EPM2A: variants seen among roughly 807,000 people sequenced by gnomAD.
EPM2A encodes laforin.
Under a neutral mutation model 26.5 loss-of-function variants are expected in EPM2A, and 21 were observed. The ratio of observed to expected loss-of-function variants is 0.79; its 90% CI spans 0.56 to 1.14. The LOEUF (loss-of-function observed/expected upper bound fraction) is 1.14. EPM2A is among the 50% of genes most tolerant of loss of function. The pLI, the probability that EPM2A is intolerant of heterozygous loss-of-function variation, is 0.00. For synonymous variants in EPM2A, 217 were observed against 177.6 expected (o/e 1.22, Z -1.76); for missense variants, 458 against 440.8 (o/e 1.04, Z -0.35).
At chr6:145,573,055 C>T (rs1322360027) in intron 2 of EPM2A, among the ~76,000 whole-genome samples, 1 of 152,208 alleles carries the variant, frequency 6.6e-6, no homozygotes, top group Non-Finnish European at 1.5e-5. Flanking sequence ...GTAGAAAGTT[C>T]CCGAGTTTCA....
chr6:145,429,724 CT>C (rs988854749), intron 4 of EPM2A, among the ~76,000 whole-genome samples: 2 of 152,110 alleles, frequency 1.3e-5, no homozygotes, highest in Admixed American at 6.5e-5. Context: ...TTGTTGATGA[CT>C]TTTTTTAAAA....
rs543850744 is a variant in EPM2A, at chr6:145,492,288, G to A, written c.555+10234C>T. On this transcript the variant is annotated intron_variant, in intron 4 of 4. Coordinates refer to the EPM2A transcript ENST00000638717. ...GGAGGAAGCATGCAGGTGAGCAGGT[G>A]CAGGAGCTGGGGTGAGTGCTTTTGG... Among the ~76,000 whole-genome samples, 3 of 152,304 alleles carry A rather than the reference G, an allele frequency of 2.0e-5. No homozygotes were observed. In the South Asian group the frequency reaches 6.2e-4, roughly 32 times the overall value.
intron 4 of EPM2A, among the ~76,000 whole-genome samples, chr6:145,453,727 C>T (rs1779226825): frequency 6.6e-6 from 1 of 152,156 alleles, no homozygotes; most frequent in Non-Finnish European, 1.5e-5. Context: ...TTTTTATTAG[C>T]ATATGGCTTC....
At chr6:145,647,521 G>T (rs1182198449) in intron 2 of EPM2A, among the ~76,000 whole-genome samples, 1 of 152,138 alleles carries the variant, frequency 6.6e-6, no homozygotes, top group Admixed American at 6.5e-5. Context: ...TCAGGCTCTG[G>T]CCTCTCTTGC....
chr6:145,649,650 G>A (rs746316007), intron 2 of EPM2A, among the ~76,000 whole-genome samples: 3 of 152,104 alleles, frequency 2.0e-5, no homozygotes, highest in Non-Finnish European at 2.9e-5. Flanking sequence ...ATTCATTTCT[G>A]TGTCTTCGAG....
chr6:145,616,939 G>A (rs943699266), intron 2 of EPM2A, among the ~76,000 whole-genome samples: 4 of 152,218 alleles, frequency 2.6e-5, no homozygotes, highest in African/African-American at 7.2e-5. Flanking sequence ...GGTGTCAGAT[G>A]AGACTTTGGA....
intron 2 of EPM2A, among the ~76,000 whole-genome samples, chr6:145,573,995 T>A (rs942516205): frequency 6.6e-6 from 1 of 152,182 alleles, no homozygotes; most frequent in Non-Finnish European, 1.5e-5. Context: ...CAATGCACAG[T>A]TACCCTGGTA....
At chr6:145,446,448 T>C (rs962539498) in intron 4 of EPM2A, among the ~76,000 whole-genome samples, 2 of 152,238 alleles carry the variant, frequency 1.3e-5, no homozygotes, top group African/African-American at 4.8e-5. Flanking sequence ...CAATATGCCA[T>C]GTAATTTTTG....
At chr6:145,488,773 T>G (rs986955616) in intron 4 of EPM2A, among the ~76,000 whole-genome samples, 3 of 152,146 alleles carry the variant, frequency 2.0e-5, no homozygotes, top group African/African-American at 7.2e-5. Flanking sequence ...GCTCATCTTT[T>G]TTTCATCTGG....
chr6:145,590,398 C>G (rs1391296317), intron 2 of EPM2A, among the ~76,000 whole-genome samples: 2 of 151,816 alleles, frequency 1.3e-5, no homozygotes, highest in Non-Finnish European at 2.9e-5. Context: ...CCAGCACCCT[C>G]TAGCCTTCGT....
At chr6:145,664,785 TA>T (rs1359002730) in intron 2 of EPM2A, among the ~76,000 whole-genome samples, 14 of 151,676 alleles carry the variant, frequency 9.2e-5, no homozygotes, top group African/African-American at 3.4e-4. Context: ...TCAGCAAATG[TA>T]AAAGAACAGA....
chr6:145,523,326 TTTA>T (rs1357603981), intron 2 of EPM2A, among the ~76,000 whole-genome samples: 12 of 152,308 alleles, frequency 7.9e-5, no homozygotes, highest in African/African-American at 2.9e-4. Context: ...CATATTTTGC[TTTA>T]TTGTGTTTTG....
intron 4 of EPM2A, among the ~76,000 whole-genome samples, chr6:145,481,370 G>A (rs921453756): frequency 2.6e-5 from 4 of 151,980 alleles, no homozygotes; most frequent in African/African-American, 9.7e-5. Context: ...CTGCCATACT[G>A]CCAGAAGGGA....
At chr6:145,479,270 C>CTATA (rs560964697) in intron 4 of EPM2A, among the ~76,000 whole-genome samples, 101 of 143,900 alleles carry the variant, frequency 7.0e-4, no homozygotes, top group African/African-American at 2.3e-3. Flanking sequence ...GCCATTTTAA[C>CTATA]TATATATATA....
At chr6:145,517,703 T>G (rs994580190) in intron 2 of EPM2A, among the ~76,000 whole-genome samples, 1 of 152,160 alleles carries the variant, frequency 6.6e-6, no homozygotes, top group Non-Finnish European at 1.5e-5. Context: ...AAGGGAACAA[T>G]GAAGCACTAA....
chr6:145,416,252 C>CTT (rs71753932), intron 4 of EPM2A, among the ~76,000 whole-genome samples: 17,951 of 146,054 alleles, frequency 0.12, 1,174 homozygotes, highest in South Asian at 0.24. Context: ...AACAGGCAGG[C>CTT]TTTTTTTTTT....
chr6:145,597,395 A>G (rs1365686970), intron 2 of EPM2A, among the ~76,000 whole-genome samples: 2 of 152,000 alleles, frequency 1.3e-5, no homozygotes, highest in Non-Finnish European at 2.9e-5. Flanking sequence ...AGATTGCTTC[A>G]TTGATTTCTA....
At chr6:145,696,767 G>A (rs1312725141) in intron 1 of EPM2A, among the ~76,000 whole-genome samples, 1 of 138,750 alleles carries the variant, frequency 7.2e-6, no homozygotes, top group Non-Finnish European at 1.5e-5. Context: ...TCTGGCACAG[G>A]TAGGGGTATG....
At chr6:145,389,036 T>G (rs1245505150) in intron 4 of EPM2A, among the ~76,000 whole-genome samples, 3 of 152,086 alleles carry the variant, frequency 2.0e-5, no homozygotes, top group African/African-American at 4.8e-5. Context: ...GTAATGAGAT[T>G]GCTGGGTCAA....
Sources: gnomAD v4.1 joint callset for allele counts (sites outside exome capture counted in the v4.1 genomes callset) on GRCh38, gnomAD v4.1.1 for gene constraint, MANE v1.5 for transcripts, NCBI Gene and HGNC (gene_info 2026-07-23, HGNC 2026-07-21) for gene names.